The following SYNM variants were observed in gnomAD, a reference collection of about 807,000 sequenced individuals.
SYNM encodes desmuslin.
A neutral mutation model predicts 104.0 loss-of-function variants in SYNM; 95 were observed. The ratio of observed to expected loss-of-function variants is 0.91; its 90% CI spans 0.77 to 1.08. The LOEUF is 1.08. Ranked by LOEUF, SYNM falls within the 50% of genes least tolerant of loss-of-function variation. The pLI is 0.00. For missense variants in SYNM, 2,150 were observed against 2,052.2 expected (o/e 1.05, Z -0.92); for synonymous variants, 918 against 869.0 (o/e 1.06, Z -0.99).
At chr15:99,125,494 C>T (rs190472875) in intron 2 of SYNM, among the ~76,000 whole-genome samples, 1 of 152,380 alleles carries the variant, frequency 6.6e-6, no homozygotes, top group African/African-American at 2.4e-5. Flanking sequence ...GTCACTGCGC[C>T]GGGGCAGGCC....
At chr15:99,125,181 T>A (rs782810477) in intron 2 of SYNM, among the ~76,000 whole-genome samples, 5 of 152,194 alleles carry the variant, frequency 3.3e-5, no homozygotes, top group African/African-American at 9.6e-5. Context: ...TAGAACCTAG[T>A]CTTTCTCCCC....
At position 99,105,915 on chromosome 15, in the gene SYNM, GC is replaced by G; in HGVS notation, c.717del (p.Glu240ArgfsTer33). 1.3e-6 allele frequency: 2 copies of G among 1,532,206 alleles called. No homozygotes were observed. The allele number at this position is 1,532,206 out of a possible 1,614,324, so 94.9% of individuals were successfully genotyped here. ...LCAQEAEALR[R>X]EALGLEQLRA... ...GCGCAGGAGGCAGAGGCGCTGCGGC[GC>G]GAGGCGCTCGGGTTGGAGCAGCTGC... On this transcript the variant is annotated frameshift_variant, in exon 1 of 4. Coordinates refer to ENST00000336292, the MANE Select transcript of SYNM (RefSeq NM_145728.3). LOFTEE classifies it high-confidence loss of function.
At chr15:99,123,657 G>A (rs1401843617) in intron 2 of SYNM, among the ~76,000 whole-genome samples, 1 of 152,230 alleles carries the variant, frequency 6.6e-6, no homozygotes. Context: ...TCCAGCTCCG[G>A]AGCCTCCCTT....
chr15:99,115,042 C>T (rs1596122461), intron 2 of SYNM, among the ~76,000 whole-genome samples: 1 of 152,282 alleles, frequency 6.6e-6, no homozygotes, highest in South Asian at 2.1e-4. Flanking sequence ...ACCACTCTCC[C>T]CTCTTAGAGG....
the SYNM span, among the ~76,000 whole-genome samples, chr15:99,141,490 T>C: frequency 6.6e-6 from 1 of 152,212 alleles, no homozygotes; most frequent in Non-Finnish European, 1.5e-5. Flanking sequence ...TTATTTCTTA[T>C]ACTGAATGGT....
At chr15:99,124,214 T>G (rs62023638) in intron 2 of SYNM, among the ~76,000 whole-genome samples, 3,144 of 152,356 alleles carry the variant, frequency 0.021, 45 homozygotes, top group Non-Finnish European at 0.033. Flanking sequence ...TGCTACCCAT[T>G]TCTTAAAGTG....
At position 99,130,101 on chromosome 15, in the gene SYNM, C is replaced by G; in HGVS notation, c.1741C>G (p.Leu581Val). 4 of 1,613,878 alleles carry G rather than the reference C, an allele frequency of 2.5e-6. No individual in the cohort carries two copies. Among genetic ancestry groups the G allele is most frequent in the Non-Finnish European group, 3.4e-6 (4 of 1,179,878 alleles). Residue 581 changes from leucine (L) to valine (V), a missense_variant, in exon 4 of 4, where the codon CTA (leucine) becomes GTA (valine). Leu to Val is a conservative substitution (Grantham distance 32). Coordinates refer to ENST00000336292, the MANE Select transcript of SYNM (RefSeq NM_145728.3). ...SVREREVPIS[L>V]EVSQDRRAEV... ...GCGAGAGAGAGAGGTGCCGATTAGT[C>G]TAGAAGTATCCCAGGACAGAAGAGC...
In SYNM at chr15:99,105,192, C is replaced by A; in HGVS notation, c.-8C>A. On this transcript the variant is annotated 5_prime_UTR_variant, in exon 1 of 4. Coordinates refer to ENST00000336292, the MANE Select transcript of SYNM (RefSeq NM_145728.3). ...GGCCAGCCGCGAGAACCCCGCACGC[C>A]CGGCAAGATGCTGTCCTGGCGGCTG... 2 of 1,571,702 alleles carry A rather than the reference C, an allele frequency of 1.3e-6. No homozygotes were observed. The highest frequency in any genetic ancestry group is 1.7e-6 in the Non-Finnish European group (2 of 1,162,082).
At position 99,133,881 on chromosome 15, in the gene SYNM, C is replaced by G. The variant is rs260086; in HGVS notation, c.*823C>G. 6.6e-6 allele frequency: 1 copy of G among 152,158 alleles called. No individual in the cohort carries two copies. The allele number at this position is 152,158 out of a possible 1,614,324, so 9.4% of individuals were successfully genotyped here. ...GTTCCTATCAGACTGTGCAGACTTG[C>G]GCTTCTCTGCACCTTATCCCTTAGC... On this transcript the variant is annotated 3_prime_UTR_variant, in exon 4 of 4. Transcript: ENST00000336292.
intron 2 of SYNM, among the ~76,000 whole-genome samples, chr15:99,123,913 C>T (rs2067424471): frequency 6.6e-6 from 1 of 152,258 alleles, no homozygotes; most frequent in Non-Finnish European, 1.5e-5. Flanking sequence ...GGAGCCTGCT[C>T]AGGACGCCGG....
At chr15:99,115,777 TG>T (rs1335446888) in intron 2 of SYNM, among the ~76,000 whole-genome samples, 1 of 152,246 alleles carries the variant, frequency 6.6e-6, no homozygotes, top group Admixed American at 6.5e-5. Flanking sequence ...CAGGATTTTT[TG>T]CTCTAAGAAT....
At chr15:99,139,405 G>GAAC (rs781957655), downstream of SYNM, 1 of 1,614,120 alleles carries the variant, frequency 6.2e-7, no homozygotes, top group Non-Finnish European at 8.5e-7. Flanking sequence ...AGACACTGTA[G>GAAC]AACACCAAGC....
At chr15:99,138,135 C>A, downstream of SYNM, 3 of 1,611,972 alleles carry the variant, frequency 1.9e-6, no homozygotes, top group Non-Finnish European at 2.5e-6. Context: ...GCCCTGCAGA[C>A]AAGCAGAGGG....
At position 99,133,139 on chromosome 15, in the gene SYNM, G is replaced by A. The variant is rs368922366; in HGVS notation, c.*81G>A. 573 of 1,557,996 alleles carry A rather than the reference G, an allele frequency of 3.7e-4. No individual in the cohort carries two copies. In the African/African-American group the frequency reaches 6.0e-3, roughly 16 times the overall value. Reference sequence around the variant, plus strand: ...AGGCCTTAACTTATTTTAAGAGGCCGAGGGAGTCTATGAAAATCTCCCCTT... The same window carrying A: ...AGGCCTTAACTTATTTTAAGAGGCCAAGGGAGTCTATGAAAATCTCCCCTT... On this transcript the variant is annotated 3_prime_UTR_variant, in exon 4 of 4. Coordinates refer to ENST00000336292, the MANE Select transcript of SYNM (RefSeq NM_145728.3).
At chr15:99,112,727 T>C (rs1231805039) in intron 1 of SYNM, among the ~76,000 whole-genome samples, 1 of 152,218 alleles carries the variant, frequency 6.6e-6, no homozygotes, top group Non-Finnish European at 1.5e-5. Context: ...ATTTTATTTT[T>C]TGAGGTGGAG....
At chr15:99,139,138 T>C (rs973536697), downstream of SYNM, 13 of 769,708 alleles carry the variant, frequency 1.7e-5, no homozygotes, top group South Asian at 1.8e-4. Flanking sequence ...TTTAAATACC[T>C]GGGCAAGGAA....
In SYNM at chr15:99,105,172, G is replaced by C; in HGVS notation, c.-28G>C. On this transcript the variant is annotated 5_prime_UTR_variant, in exon 1 of 4. Transcript: ENST00000336292. ...GACCAGGGCAGGAGGGAGCCGGCCAGCCGCGAGAACCCCGCACGCCCGGCA... is the reference window on the plus strand; with the variant it reads ...GACCAGGGCAGGAGGGAGCCGGCCACCCGCGAGAACCCCGCACGCCCGGCA... 1 of 1,563,226 alleles carries C rather than the reference G, an allele frequency of 6.4e-7. No individual in the cohort carries two copies. Among genetic ancestry groups the C allele is most frequent in the Non-Finnish European group, 8.6e-7 (1 of 1,159,778 alleles).
At chr15:99,119,685 A>G (rs551905893) in intron 2 of SYNM, among the ~76,000 whole-genome samples, 10 of 152,350 alleles carry the variant, frequency 6.6e-5, no homozygotes, top group African/African-American at 2.2e-4. Context: ...ATTGGACAGA[A>G]TCTGAAGCTC....
chr15:99,117,908 C>G (rs965950916), intron 2 of SYNM, among the ~76,000 whole-genome samples: 1 of 152,178 alleles, frequency 6.6e-6, no homozygotes, highest in African/African-American at 2.4e-5. Flanking sequence ...TTCCCTAACC[C>G]GATTATGGAT....
Sources: allele counts gnomAD v4.1 joint callset (sites outside exome capture counted in the v4.1 genomes callset), GRCh38; gene constraint gnomAD v4.1.1; transcripts MANE v1.5; gene names NCBI Gene and HGNC (gene_info 2026-07-23, HGNC 2026-07-21).